Variants in SLC8A1 observed in about 807,000 individuals in gnomAD.
The protein encoded by SLC8A1 is sodium/calcium exchanger 1.
In SLC8A1, 18 loss-of-function variants were observed where a neutral mutation model predicts 68.3. That is an observed-to-expected ratio of 0.26 (90% CI 0.18 to 0.39). SLC8A1 has a LOEUF of 0.39. Ranked by LOEUF, SLC8A1 falls within the 10% of genes least tolerant of loss-of-function variation. SLC8A1 has a pLI of 1.00. For synonymous variants in SLC8A1, 475 were observed against 415.5 expected, an observed-to-expected ratio of 1.14 and a Z score of -1.74; for missense variants, 985 against 1,156.7, an observed-to-expected ratio of 0.85 and a Z score of 2.15.
chr2:40,436,316 C>T (rs1699409029), intron 1 of SLC8A1, among the ~76,000 whole-genome samples: 1 of 152,096 alleles, frequency 6.6e-6, no homozygotes, highest in Admixed American at 6.5e-5. Flanking sequence ...AAACCAGAAT[C>T]TGGGAAATGG....
In SLC8A1 at chr2:40,346,175, A is replaced by C. The variant is rs559462038; in HGVS notation, c.1808+82298T>G. Among the ~76,000 whole-genome samples, 14 of 152,190 alleles carry C rather than the reference A, an allele frequency of 9.2e-5. No homozygotes were observed. The East Asian group carries it at 2.7e-3, about 29-fold the overall frequency. On this transcript the variant is annotated intron_variant, in intron 2 of 7. Transcript: ENST00000406785. ...ACTTTGAATGGATTCATTTCTTAGA[A>C]AGCCTGGCTGTACATCTCTATATTT...
chr2:40,100,612 T>C (rs1369497123), exon 8 of SLC8A1: 1 of 152,090 alleles, frequency 6.6e-6, no homozygotes, highest in Non-Finnish European at 1.5e-5. Context: ...CAAATGAAGA[T>C]GTACACAATG....
chr2:40,210,516 G>C (rs1309812680), intron 2 of SLC8A1, among the ~76,000 whole-genome samples: 2 of 152,210 alleles, frequency 1.3e-5, no homozygotes, highest in Admixed American at 6.5e-5. Context: ...GGATAATTAA[G>C]AAAGTGTTAG....
At chr2:40,189,747 A>C (rs1003825531) in intron 2 of SLC8A1, 1 of 152,210 alleles carries the variant, frequency 6.6e-6, no homozygotes, top group Non-Finnish European at 1.5e-5. Flanking sequence ...CTTTTAATGA[A>C]GTTGCCAAGA....
At chr2:40,454,745 T>A (rs776075822), upstream of SLC8A1, among the ~76,000 whole-genome samples, 1 of 152,208 alleles carries the variant, frequency 6.6e-6, no homozygotes, top group Non-Finnish European at 1.5e-5. Context: ...ATTTTTATAA[T>A]GGTTCCAGGG....
intron 6 of SLC8A1, among the ~76,000 whole-genome samples, chr2:40,145,138 C>G (rs1448635071): frequency 6.6e-6 from 1 of 152,128 alleles, no homozygotes; most frequent in Non-Finnish European, 1.5e-5. Context: ...TATTTGAGCT[C>G]TTTTCAAACA....
chr2:40,274,591 A>T (rs1426116855), intron 2 of SLC8A1, among the ~76,000 whole-genome samples: 2 of 152,246 alleles, frequency 1.3e-5, no homozygotes, highest in Admixed American at 1.3e-4. Context: ...TCAGATGATG[A>T]TACAAGCATA....
intron 1 of SLC8A1, among the ~76,000 whole-genome samples, chr2:40,458,010 A>G (rs1045469322): frequency 3.3e-5 from 5 of 152,162 alleles, no homozygotes; most frequent in African/African-American, 9.7e-5. Flanking sequence ...TTCTGCCTCT[A>G]TTGGTCAGAA....
At chr2:40,349,233 A>G (rs1332038417) in intron 2 of SLC8A1, among the ~76,000 whole-genome samples, 1 of 152,174 alleles carries the variant, frequency 6.6e-6, no homozygotes, top group Non-Finnish European at 1.5e-5. Flanking sequence ...TCTGAAAAAA[A>G]CCGAAGACAT....
intron 2 of SLC8A1, chr2:40,177,974 C>T: frequency 1.4e-6 from 1 of 695,672 alleles, no homozygotes; most frequent in South Asian, 1.7e-5. Context: ...AGCACATGGG[C>T]CTCCTGAAGT....
At position 40,322,497 on chromosome 2, in the gene SLC8A1, A is replaced by T. The variant is rs540558214; in HGVS notation, c.1808+105976T>A. On this transcript the variant is annotated intron_variant, in intron 2 of 7. Coordinates refer to ENST00000406785, the Ensembl canonical transcript of SLC8A1. ...CATAGAGAGACCTCATCTCTACAAAAGGTTAAAAAAAAAAAAAAAAAAAAA... is the reference window on the plus strand; with the variant it reads ...CATAGAGAGACCTCATCTCTACAAATGGTTAAAAAAAAAAAAAAAAAAAAA... Among the ~76,000 whole-genome samples the T allele has an allele frequency of 5.3e-5, 7 of 132,050 alleles. No homozygotes were observed. The South Asian group carries it at 1.2e-3, about 22-fold the overall frequency. 86.6% of individuals were successfully genotyped at this position (132,050 alleles called of 152,430 possible).
intron 1 of SLC8A1, among the ~76,000 whole-genome samples, chr2:40,431,259 G>A (rs144716365): frequency 1.8e-4 from 28 of 151,366 alleles, no homozygotes; most frequent in Non-Finnish European, 2.5e-4. Flanking sequence ...TCTCGGTGTC[G>A]GTCATATTTT....
At chr2:40,247,577 A>G (rs2062056779) in intron 2 of SLC8A1, among the ~76,000 whole-genome samples, 2 of 152,204 alleles carry the variant, frequency 1.3e-5, no homozygotes, top group South Asian at 4.1e-4. Context: ...CAGGGCATAT[A>G]AGTCACGTGT....
chr2:40,099,911 A>C (rs1239425904), exon 8 of SLC8A1: 1 of 152,070 alleles, frequency 6.6e-6, no homozygotes, highest in Non-Finnish European at 1.5e-5. Context: ...TGTTCTGTGC[A>C]CGTACACAGT....
At chr2:40,436,685 A>G (rs1409213563) in intron 1 of SLC8A1, among the ~76,000 whole-genome samples, 1 of 152,100 alleles carries the variant, frequency 6.6e-6, no homozygotes, top group Non-Finnish European at 1.5e-5. Context: ...AACAAAAATC[A>G]CCTTCATTGT....
chr2:40,326,155 C>T (rs1481893062), intron 2 of SLC8A1, among the ~76,000 whole-genome samples: 3 of 152,170 alleles, frequency 2.0e-5, no homozygotes, highest in Non-Finnish European at 2.9e-5. Context: ...ATAGGACTCA[C>T]TCATTTGCAC....
At chr2:40,296,838 C>T (rs936399786) in intron 2 of SLC8A1, among the ~76,000 whole-genome samples, 4 of 152,102 alleles carry the variant, frequency 2.6e-5, no homozygotes, top group East Asian at 3.9e-4. Context: ...CACCAATTAA[C>T]CTATATTTTC....
intron 2 of SLC8A1, among the ~76,000 whole-genome samples, chr2:40,360,843 G>A (rs10165271): frequency 6.6e-6 from 1 of 151,928 alleles, no homozygotes; most frequent in Non-Finnish European, 1.5e-5. Context: ...AGCACCCTCT[G>A]CTGGGGCCAC....
At chr2:40,116,434 G>C (rs986715045) in intron 7 of SLC8A1, among the ~76,000 whole-genome samples, 1 of 152,070 alleles carries the variant, frequency 6.6e-6, no homozygotes, top group African/African-American at 2.4e-5. Context: ...TCTAGCATTA[G>C]GTATATCTCC....
Sources: allele counts gnomAD v4.1 joint callset (sites outside exome capture counted in the v4.1 genomes callset), GRCh38; gene constraint gnomAD v4.1.1; transcripts MANE v1.5; gene names NCBI Gene and HGNC (gene_info 2026-07-23, HGNC 2026-07-21).